The following PNPT1 variants were observed in gnomAD, a reference collection of about 807,000 sequenced individuals.
PNPT1 encodes polyribonucleotide nucleotidyltransferase 1.
Under a neutral mutation model 119.5 loss-of-function variants are expected in PNPT1, and 53 were observed. That is an observed-to-expected ratio of 0.44 (90% CI 0.36 to 0.56). The LOEUF (loss-of-function observed/expected upper bound fraction) is 0.56, where lower values mean the gene tolerates loss of function less well. PNPT1 is among the 20% of genes least tolerant of loss of function. The probability of loss-of-function intolerance (pLI) is 0.00; values close to 1 mark genes in which losing one functional copy is unlikely to be tolerated. For missense variants in PNPT1, 948 were observed against 938.5 expected (o/e 1.01, Z -0.13); for synonymous variants, 357 against 322.1 (o/e 1.11, Z -1.16).
chr2:55,691,876 A>ATTTT (rs1475795171), intron 1 of PNPT1, among the ~76,000 whole-genome samples: 45 of 18,532 alleles, frequency 2.4e-3, no homozygotes, highest in African/African-American at 6.2e-3. Context: ...ATATATATAT[A>ATTTT]TATTTTTTTT....
Position 55,636,616 on chromosome 2 carries a change from C to T in PNPT1, c.2197-224G>A, listed in dbSNP as rs550795951. 3.4e-4 allele frequency among the ~76,000 whole-genome samples: 51 copies of T among 152,234 alleles called. No individual in the cohort carries two copies. In the South Asian group the frequency reaches 9.1e-3, roughly 27 times the overall value. On this transcript the variant is annotated intron_variant, in intron 27 of 27. Transcript: ENST00000447944. ...AGTTAGTTGTTCAACTATAATCTGC[C>T]GCTGAACTCATCTGTGCCTTTTTAT...
chr2:55,683,484 G>A lies in PNPT1; in HGVS notation c.453+301C>T, dbSNP rs563586048. ...AAAAATTAGTCGGGCATGGTGGTGC[G>A]TGCCTGTAATCCCAGCTACTCAGGA... On this transcript the variant is annotated intron_variant, in intron 5 of 27. Coordinates refer to ENST00000447944, the MANE Select transcript of PNPT1 (RefSeq NM_033109.5). Among the ~76,000 whole-genome samples, 19 of 151,836 alleles carry A rather than the reference G, an allele frequency of 1.3e-4. No homozygotes were observed. In the East Asian group the frequency reaches 2.5e-3, roughly 20 times the overall value.
intron 8 of PNPT1, among the ~76,000 whole-genome samples, chr2:55,675,740 T>A (rs1382927998): frequency 6.6e-6 from 1 of 152,170 alleles, no homozygotes; most frequent in Non-Finnish European, 1.5e-5. Flanking sequence ...CAGTTGAGTC[T>A]ACAGAGCTGT....
intron 14 of PNPT1, 91 bp from the exon 15 acceptor site, chr2:55,660,284 C>T: frequency 2.3e-6 from 3 of 1,312,112 alleles, no homozygotes; most frequent in Non-Finnish European, 3.1e-6. Context: ...GGGGATTTTA[C>T]AAAAGAACTA....
intron 13 of PNPT1, among the ~76,000 whole-genome samples, chr2:55,666,292 T>G (rs1401947760): frequency 6.6e-6 from 1 of 152,192 alleles, no homozygotes; most frequent in Non-Finnish European, 1.5e-5. Flanking sequence ...AGGGTCTGGC[T>G]TGGTAGTCCA....
At chr2:55,683,384 G>T (rs1697305742) in intron 5 of PNPT1, among the ~76,000 whole-genome samples, 2 of 152,086 alleles carry the variant, frequency 1.3e-5, no homozygotes, top group Non-Finnish European at 2.9e-5. Context: ...GGAGGCCGAG[G>T]GGGGCGGATC....
At chr2:55,637,416 TA>T in intron 27 of PNPT1, 135 bp downstream of exon 27, 1 of 789,926 alleles carries the variant, frequency 1.3e-6, no homozygotes, top group Non-Finnish European at 2.1e-6. Flanking sequence ...CAAGCAATTC[TA>T]AGATTAAAAA....
chr2:55,688,318 G>T (rs993700551), intron 1 of PNPT1, among the ~76,000 whole-genome samples: 3 of 152,082 alleles, frequency 2.0e-5, no homozygotes, highest in African/African-American at 7.2e-5. Context: ...GGGATTACAG[G>T]TATGAGCCAC....
At chr2:55,683,733 TTAAG>T in intron 5 of PNPT1, 48 bp downstream of exon 5, 1 of 1,478,658 alleles carries the variant, frequency 6.8e-7, no homozygotes, top group Non-Finnish European at 9.4e-7. Flanking sequence ...CAGAGATTCA[TTAAG>T]TAATTTTTGA....
chr2:55,669,029 C>T (rs984189262), intron 11 of PNPT1, among the ~76,000 whole-genome samples: 3 of 152,174 alleles, frequency 2.0e-5, no homozygotes, highest in Non-Finnish European at 4.4e-5. Flanking sequence ...TTGTCAAATG[C>T]TTTCATGAGC....
At chr2:55,678,252 A>G (rs1199444127) in intron 8 of PNPT1, among the ~76,000 whole-genome samples, 1 of 152,208 alleles carries the variant, frequency 6.6e-6, no homozygotes, top group Non-Finnish European at 1.5e-5. Context: ...AGGCTCCGAG[A>G]TGCTCAAACA....
chr2:55,678,245 C>G (rs370601563), intron 8 of PNPT1, among the ~76,000 whole-genome samples: 26 of 152,328 alleles, frequency 1.7e-4, no homozygotes, highest in African/African-American at 6.3e-4. Context: ...TTGCTCAAGG[C>G]TCCGAGATGC....
chr2:55,660,239 ATATT>A (rs758871481), intron 14 of PNPT1, 46 bp from the exon 15 acceptor site: 2 of 1,516,042 alleles, frequency 1.3e-6, no homozygotes, highest in Admixed American at 4.2e-5. Context: ...GGGAAAAAAC[ATATT>A]TATTTCAAAA....
intron 12 of PNPT1, 94 bp from the exon 13 acceptor site, chr2:55,667,187 G>T: frequency 1.2e-6 from 1 of 866,402 alleles, no homozygotes; most frequent in Non-Finnish European, 1.9e-6. Flanking sequence ...AACCTCAGTT[G>T]TGTATCATAA....
chr2:55,657,536 C>CCT, intron 15 of PNPT1, among the ~76,000 whole-genome samples: 1 of 151,428 alleles, frequency 6.6e-6, no homozygotes, highest in East Asian at 2.0e-4. Context: ...TACAGGCATG[C>CCT]ACCACCATGC....
At chr2:55,637,315 T>G (rs955316245) in intron 27 of PNPT1, among the ~76,000 whole-genome samples, 3 of 152,236 alleles carry the variant, frequency 2.0e-5, no homozygotes, top group Non-Finnish European at 4.4e-5. Context: ...CTCATGTATT[T>G]TTTAAACGAA....
chr2:55,665,107 G>A (rs899780050), intron 13 of PNPT1, among the ~76,000 whole-genome samples: 16 of 152,082 alleles, frequency 1.1e-4, no homozygotes, highest in African/African-American at 3.9e-4. Context: ...CAGTGGCCCA[G>A]AAAATTCACG....
At position 55,636,314 on chromosome 2, in the gene PNPT1, C is replaced by A. The variant is rs145553870; in HGVS notation, c.2275G>T (p.Val759Leu). Residue 759 changes from valine to leucine, a missense_variant, in exon 28 of 28, where the codon GTG becomes TTG. Transcript: ENST00000447944. Reference sequence around the variant, plus strand: ...CTTCTGTCATTCAAAGTTCTGACCACGGTTGTAGCTGGCGACTGAAGCACT... The same window carrying A: ...CTTCTGTCATTCAAAGTTCTGACCAAGGTTGTAGCTGGCGACTGAAGCACT... ...RKVLQSPATT[V>L]VRTLNDRSSI... is the part of the protein sequence containing the mutation. The A allele has an allele frequency of 3.8e-5, 62 of 1,613,876 alleles. No individual in the cohort carries two copies. Among genetic ancestry groups the A allele is most frequent in the Non-Finnish European group, 5.0e-5 (59 of 1,179,914 alleles).
intron 8 of PNPT1, among the ~76,000 whole-genome samples, chr2:55,673,595 C>G (rs1246251273): frequency 6.6e-6 from 1 of 151,418 alleles, no homozygotes; most frequent in Non-Finnish European, 1.5e-5. Flanking sequence ...ACTACAGGCG[C>G]CCGCCACCAT....
Sources: gnomAD v4.1 joint callset for allele counts (sites outside exome capture counted in the v4.1 genomes callset) on GRCh38, gnomAD v4.1.1 for gene constraint, MANE v1.5 for transcripts, NCBI Gene and HGNC (gene_info 2026-07-23, HGNC 2026-07-21) for gene names.